Variants in ZBTB20 observed in about 807,000 individuals in gnomAD.
ZBTB20 encodes the protein zinc finger and BTB domain containing 20.
Under a neutral mutation model 56.9 loss-of-function variants are expected in ZBTB20, and 9 were observed. That is an observed-to-expected ratio of 0.16 (90% CI 0.10 to 0.28). The LOEUF is 0.28. Among genes scored for constraint, ZBTB20 ranks in the 10% least tolerant of loss-of-function variants. The pLI is 1.00. For synonymous variants in ZBTB20, 417 were observed against 420.7 expected (o/e 0.99, Z 0.11); for missense variants, 655 against 1,003.0 (o/e 0.65, Z 4.69).
At chr3:114,960,923 G>A (rs970096940) in intron 3 of ZBTB20, among the ~76,000 whole-genome samples, 1 of 152,072 alleles carries the variant, frequency 6.6e-6, no homozygotes, top group Non-Finnish European at 1.5e-5. Flanking sequence ...AATAAGGGAA[G>A]AAAGCATTGC....
intron 6 of ZBTB20, among the ~76,000 whole-genome samples, chr3:114,639,468 A>G (rs1414131875): frequency 7.8e-6 from 1 of 127,728 alleles, no homozygotes; most frequent in Non-Finnish European, 1.6e-5. Context: ...AAATTTCATT[A>G]GTTTTTTTTT....
chr3:114,858,159 G>A (rs889613799), intron 4 of ZBTB20, among the ~76,000 whole-genome samples: 6 of 151,990 alleles, frequency 3.9e-5, no homozygotes, highest in African/African-American at 1.5e-4. Flanking sequence ...ATTATATTAG[G>A]CATTTTTCAC....
intron 2 of ZBTB20, among the ~76,000 whole-genome samples, chr3:115,001,933 T>G (rs1043885743): frequency 6.6e-5 from 10 of 151,400 alleles, no homozygotes. Flanking sequence ...AGATCTAGAA[T>G]AGGAAACACA....
chr3:115,078,613 G>GTGTATATATA lies in ZBTB20; in HGVS notation c.-702-7200_-702-7199insTATATATACA, dbSNP rs769630983. On this transcript the variant is annotated intron_variant, in intron 1 of 11. Transcript: ENST00000675478. ...TAAGAATATGTGTGTGTGTGTGTGT[G>GTGTATATATA]TATATATATATATATATATATATAT... 7.6e-3 allele frequency among the ~76,000 whole-genome samples: 1,046 copies of GTGTATATATA among 137,714 alleles called. 7 individuals are homozygous for GTGTATATATA. Among genetic ancestry groups the GTGTATATATA allele is most frequent in the Middle Eastern group, 0.027 (7 of 264 alleles). 90.3% of individuals were successfully genotyped at this position (137,714 alleles called of 152,430 possible).
At chr3:114,892,234 A>G (rs1368423795) in intron 4 of ZBTB20, among the ~76,000 whole-genome samples, 4 of 152,314 alleles carry the variant, frequency 2.6e-5, no homozygotes, top group East Asian at 1.9e-4. Flanking sequence ...CCGTCTTGCT[A>G]AGGAAGTGTA....
chr3:114,879,478 T>C (rs964214419), intron 4 of ZBTB20, among the ~76,000 whole-genome samples: 1 of 152,204 alleles, frequency 6.6e-6, no homozygotes, highest in Non-Finnish European at 1.5e-5. Flanking sequence ...CAGGAAGTTG[T>C]TGATCCTCCG....
At chr3:115,140,459 A>T (rs2084780646) in intron 1 of ZBTB20, among the ~76,000 whole-genome samples, 1 of 152,106 alleles carries the variant, frequency 6.6e-6, no homozygotes, top group Non-Finnish European at 1.5e-5. Flanking sequence ...GCTTTATCTT[A>T]AATCAAAACC....
chr3:114,901,700 A>T (rs1166171086), intron 3 of ZBTB20, among the ~76,000 whole-genome samples: 1 of 152,134 alleles, frequency 6.6e-6, no homozygotes, highest in African/African-American at 2.4e-5. Context: ...AAATTTAACA[A>T]GGTACTTTAA....
At chr3:114,508,636 G>A (rs543751760) in intron 6 of ZBTB20, among the ~76,000 whole-genome samples, 21 of 152,138 alleles carry the variant, frequency 1.4e-4, no homozygotes, top group African/African-American at 4.8e-4. Context: ...AGTGTTATTC[G>A]AATCTTGTTA....
intron 1 of ZBTB20, among the ~76,000 whole-genome samples, chr3:115,090,794 C>A (rs1269797090): frequency 1.3e-5 from 2 of 151,874 alleles, no homozygotes; most frequent in African/African-American, 4.8e-5. Flanking sequence ...TATATTATCA[C>A]ATTTCTGCCA....
At chr3:114,381,919 C>G (rs143546770) in intron 8 of ZBTB20, among the ~76,000 whole-genome samples, 81 of 152,280 alleles carry the variant, frequency 5.3e-4, no homozygotes, top group Non-Finnish European at 1.0e-3. Flanking sequence ...AAGACCTTAT[C>G]AATTGATTTT....
chr3:115,139,973 T>C (rs1336608794), intron 1 of ZBTB20, among the ~76,000 whole-genome samples: 1 of 152,054 alleles, frequency 6.6e-6, no homozygotes, highest in African/African-American at 2.4e-5. Context: ...ATTAAACTTT[T>C]ATAAAAGACT....
In ZBTB20 at chr3:114,325,400, A is replaced by T. The variant is rs1440233187; in HGVS notation, c.*13605T>A. On this transcript the variant is annotated 3_prime_UTR_variant, in exon 12 of 12. Transcript: ENST00000675478. ...TTGAACTACAGGAAAATCTTATCTC[A>T]AATTTGAACTATTATTTTATTTTCA... 2 of 152,044 alleles carry T rather than the reference A, an allele frequency of 1.3e-5. No individual in the cohort carries two copies. Among genetic ancestry groups the T allele is most frequent in the Non-Finnish European group, 2.9e-5 (2 of 67,980 alleles). The allele number at this position is 152,044 out of a possible 1,614,324, so 9.4% of individuals were successfully genotyped here.
chr3:114,939,135 T>G (rs987121032), intron 3 of ZBTB20, among the ~76,000 whole-genome samples: 2 of 146,040 alleles, frequency 1.4e-5, no homozygotes, highest in Non-Finnish European at 2.9e-5. Flanking sequence ...AAAGCTCCTC[T>G]TGAAAACAGA....
At chr3:115,041,475 C>G (rs2081139983) in intron 2 of ZBTB20, among the ~76,000 whole-genome samples, 2 of 152,104 alleles carry the variant, frequency 1.3e-5, no homozygotes, top group South Asian at 2.1e-4. Context: ...AAGATTAAGA[C>G]AAGGAAATGA....
In ZBTB20 at chr3:114,350,850, C is replaced by T. The variant is rs764890983; in HGVS notation, c.1228G>A (p.Glu410Lys). The change falls in exon 11 of 12, where the codon GAG becomes AAG. Residue 410 changes from glutamate to lysine, a missense_variant. Glu to Lys is a moderately conservative substitution (Grantham distance 56). Transcript: ENST00000675478. ...TCAGCGGGGGCTTCTGCAGCCTGCT[C>T]GGGTTGGGTGGGTTCAGCCTGGCTG... ...RDSQAEPTQP[E>K]QAAEAPAEGG... The T allele has an allele frequency of 3.0e-5, 49 of 1,611,618 alleles. No individual in the cohort carries two copies. The South Asian group carries it at 4.1e-4, about 13-fold the overall frequency.
chr3:114,959,778 A>G (rs1199773353), intron 3 of ZBTB20, among the ~76,000 whole-genome samples: 1 of 151,884 alleles, frequency 6.6e-6, no homozygotes, highest in Non-Finnish European at 1.5e-5. Flanking sequence ...CCTCAAATAT[A>G]TTTTGAAGCA....
At chr3:114,712,106 T>G (rs1367395304) in intron 5 of ZBTB20, among the ~76,000 whole-genome samples, 1 of 152,210 alleles carries the variant, frequency 6.6e-6, no homozygotes, top group Non-Finnish European at 1.5e-5. Context: ...GACGTGATTA[T>G]CAGATGTTAG....
At chr3:114,723,733 C>A (rs1578535944) in intron 5 of ZBTB20, among the ~76,000 whole-genome samples, 1 of 152,176 alleles carries the variant, frequency 6.6e-6, no homozygotes, top group Non-Finnish European at 1.5e-5. Context: ...GCTGTATTTG[C>A]AAAATATTTA....
Sources: gnomAD v4.1 joint callset for allele counts (sites outside exome capture counted in the v4.1 genomes callset) on GRCh38, gnomAD v4.1.1 for gene constraint, MANE v1.5 for transcripts, NCBI Gene and HGNC (gene_info 2026-07-23, HGNC 2026-07-21) for gene names.